LRRC4C: variants seen among roughly 807,000 people sequenced by gnomAD.
The protein encoded by LRRC4C is leucine-rich repeat-containing protein 4C.
A neutral mutation model predicts 33.6 loss-of-function variants in LRRC4C; 5 were observed. The ratio of observed to expected loss-of-function variants is 0.15; its 90% CI spans 0.08 to 0.31. The LOEUF is 0.31. Among genes scored for constraint, LRRC4C ranks in the 10% least tolerant of loss-of-function variants. The pLI is 1.00. For missense variants in LRRC4C, 560 were observed against 796.7 expected, an observed-to-expected ratio of 0.70 and a Z score of 3.58; for synonymous variants, 329 against 302.0, an observed-to-expected ratio of 1.09 and a Z score of -0.93.
At chr11:41,097,745 A>T (rs1940903928) in intron 1 of LRRC4C, among the ~76,000 whole-genome samples, 1 of 152,150 alleles carries the variant, frequency 6.6e-6, no homozygotes, top group Non-Finnish European at 1.5e-5. Flanking sequence ...GAGGATGGTA[A>T]CAAAGTATCT....
Position 40,118,069 on chromosome 11 carries a change from AATC to A in LRRC4C, c.-42-1738_-42-1736del, listed in dbSNP as rs1855565448. ...CATTATAAATAGTAGTAATCATACT[AATC>A]ATATATTTAGATTTATAATGAAATA... is the stretch of plus-strand genomic sequence containing the variant. On this transcript the variant is annotated intron_variant, in intron 6 of 6. Transcript: ENST00000528697. Among the ~76,000 whole-genome samples, 3 of 148,812 alleles carry A rather than the reference AATC, an allele frequency of 2.0e-5. No homozygotes were observed. The South Asian group carries it at 6.3e-4, about 31-fold the overall frequency.
At chr11:41,145,525 C>T (rs1482316563) in intron 1 of LRRC4C, among the ~76,000 whole-genome samples, 1 of 121,390 alleles carries the variant, frequency 8.2e-6, no homozygotes, top group Non-Finnish European at 1.9e-5. Context: ...CCTATGGCTG[C>T]TTTTATGCTA....
chr11:40,321,840 C>T (rs989100019), intron 3 of LRRC4C, among the ~76,000 whole-genome samples: 7 of 152,144 alleles, frequency 4.6e-5, no homozygotes, highest in African/African-American at 1.7e-4. Context: ...AAAATGATGT[C>T]TCCTCCTTCT....
At chr11:40,471,525 C>A in intron 3 of LRRC4C, among the ~76,000 whole-genome samples, 1 of 152,086 alleles carries the variant, frequency 6.6e-6, no homozygotes, top group East Asian at 1.9e-4. Context: ...GGATCAAATT[C>A]ATACATAACA....
chr11:40,655,554 C>T (rs1943059079), intron 2 of LRRC4C, among the ~76,000 whole-genome samples: 2 of 152,090 alleles, frequency 1.3e-5, no homozygotes, highest in Non-Finnish European at 2.9e-5. Flanking sequence ...TTGCAAACCA[C>T]TTTGCTATAT....
chr11:40,930,499 G>A (rs1332043797), intron 2 of LRRC4C, among the ~76,000 whole-genome samples: 1 of 152,156 alleles, frequency 6.6e-6, no homozygotes, highest in African/African-American at 2.4e-5. Context: ...TACATCACAT[G>A]CAGACATGGT....
At chr11:40,431,306 A>G (rs1374641553) in intron 3 of LRRC4C, among the ~76,000 whole-genome samples, 1 of 150,444 alleles carries the variant, frequency 6.6e-6, no homozygotes, top group Non-Finnish European at 1.5e-5. Context: ...GCGTGCCTGT[A>G]ATCCCAGCTA....
rs540025748 is a variant in LRRC4C, at chr11:40,561,562, G to A, written c.-270+86580C>T. The stretch of plus-strand genomic sequence containing the variant: ...CAAGTAGCTAGGACTACAGGTGCCC[G>A]CCACCACGCCCGGCTAATTTTTTGT... On this transcript the variant is annotated intron_variant, in intron 3 of 6. Coordinates refer to ENST00000528697, the MANE Select transcript of LRRC4C (RefSeq NM_001258419.2). Among the ~76,000 whole-genome samples, 549 of 151,876 alleles carry A rather than the reference G, an allele frequency of 3.6e-3. 2 individuals are homozygous for A. Among genetic ancestry groups the A allele is most frequent in the Non-Finnish European group, 6.0e-3 (408 of 67,934 alleles).
At chr11:40,950,345 C>T (rs928839147) in intron 1 of LRRC4C, among the ~76,000 whole-genome samples, 1 of 152,110 alleles carries the variant, frequency 6.6e-6, no homozygotes, top group Non-Finnish European at 1.5e-5. Flanking sequence ...TTAAACAATG[C>T]TCTCTGCTAT....
intron 2 of LRRC4C, among the ~76,000 whole-genome samples, chr11:40,923,643 T>C (rs1957285466): frequency 6.6e-6 from 1 of 152,242 alleles, no homozygotes; most frequent in South Asian, 2.1e-4. Context: ...TCATTTGTTA[T>C]TTTAAACAAC....
chr11:41,006,889 C>T (rs1449113113), intron 1 of LRRC4C, among the ~76,000 whole-genome samples: 1 of 152,044 alleles, frequency 6.6e-6, no homozygotes, highest in Non-Finnish European at 1.5e-5. Context: ...TCATAGATTT[C>T]TTCTTAAAGA....
At chr11:40,211,111 A>G (rs1310002783) in intron 5 of LRRC4C, among the ~76,000 whole-genome samples, 1 of 152,172 alleles carries the variant, frequency 6.6e-6, no homozygotes, top group Non-Finnish European at 1.5e-5. Context: ...AACATACTCA[A>G]GTACCTTGCA....
intron 6 of LRRC4C, among the ~76,000 whole-genome samples, chr11:40,140,343 G>A (rs1857277686): frequency 6.6e-6 from 1 of 152,152 alleles, no homozygotes; most frequent in Admixed American, 6.5e-5. Flanking sequence ...GTATGCGATG[G>A]TTTGCTGGTG....
intron 5 of LRRC4C, among the ~76,000 whole-genome samples, chr11:40,202,516 C>T (rs1019117817): frequency 6.6e-6 from 1 of 152,088 alleles, no homozygotes; most frequent in Non-Finnish European, 1.5e-5. Flanking sequence ...GCCTTATTTT[C>T]CTTTGTGTAA....
intron 3 of LRRC4C, among the ~76,000 whole-genome samples, chr11:40,320,126 T>C (rs1456447959): frequency 6.6e-6 from 1 of 152,208 alleles, no homozygotes; most frequent in Non-Finnish European, 1.5e-5. Flanking sequence ...CTTCCTGCTC[T>C]TACTTCTTCC....
chr11:41,262,344 G>A (rs1187901302), intron 1 of LRRC4C, among the ~76,000 whole-genome samples: 6 of 151,134 alleles, frequency 4.0e-5, no homozygotes, highest in East Asian at 3.9e-4. Context: ...CTATTATGTG[G>A]CACTATAGAG....
At chr11:40,970,194 A>T (rs998616984) in intron 1 of LRRC4C, among the ~76,000 whole-genome samples, 9 of 152,164 alleles carry the variant, frequency 5.9e-5, no homozygotes, top group Admixed American at 1.3e-4. Flanking sequence ...TAAGGTTTGG[A>T]TCTGCATTCC....
intron 1 of LRRC4C, among the ~76,000 whole-genome samples, chr11:41,057,543 G>A (rs1858719651): frequency 6.6e-6 from 1 of 152,174 alleles, no homozygotes; most frequent in Admixed American, 6.5e-5. Context: ...AGACCAGATT[G>A]GGAACTTGAG....
chr11:40,421,561 T>C (rs1480344841), intron 3 of LRRC4C, among the ~76,000 whole-genome samples: 8 of 152,352 alleles, frequency 5.3e-5, no homozygotes, highest in African/African-American at 1.7e-4. Flanking sequence ...TAAACCCTAA[T>C]TTGGTAACAG....
Sources: allele counts gnomAD v4.1 joint callset (sites outside exome capture counted in the v4.1 genomes callset), GRCh38; gene constraint gnomAD v4.1.1; transcripts MANE v1.5; gene names NCBI Gene and HGNC (gene_info 2026-07-23, HGNC 2026-07-21).